Variants in CDC25B observed in about 807,000 individuals in gnomAD.
The protein encoded by CDC25B is cell division cycle 25B.
Under a neutral mutation model 69.8 loss-of-function variants are expected in CDC25B, and 33 were observed. The observed-to-expected ratio is 0.47, with a 90% CI of 0.36 to 0.63. The LOEUF (loss-of-function observed/expected upper bound fraction) is 0.63. CDC25B is among the 30% of genes least tolerant of loss of function. The pLI, the probability that CDC25B is intolerant of heterozygous loss-of-function variation, is 0.00. For missense variants in CDC25B, 727 were observed against 809.1 expected, an observed-to-expected ratio of 0.90 and a Z score of 1.23; for synonymous variants, 341 against 314.6, an observed-to-expected ratio of 1.08 and a Z score of -0.89.
upstream of CDC25B, chr20:3,795,976 G>A: frequency 1.0e-6 from 1 of 989,398 alleles, no homozygotes. Flanking sequence ...CCCTAGCGGT[G>A]ATCCCAGGTG....
chr20:3,802,277 C>T lies in CDC25B; in HGVS notation c.1099-4C>T. On this transcript the variant is annotated splice_polypyrimidine_tract_variant and splice_region_variant and intron_variant, in intron 10 of 15. Transcript: ENST00000245960. ...CCCTGGCCTCCATCTGACTCACTTT[C>T]CAGAAAGCCCGCGTCCTCCGCTCAA... The T allele has an allele frequency of 6.2e-7, 1 of 1,610,620 alleles. No homozygotes were observed. Among genetic ancestry groups the T allele is most frequent in the Non-Finnish European group, 8.5e-7 (1 of 1,179,492 alleles).
chr20:3,804,504 A>G (rs2089403900), intron 14 of CDC25B, 65 bp from the exon 15 acceptor site: 2 of 988,486 alleles, frequency 2.0e-6, no homozygotes, highest in Admixed American at 1.8e-5. Flanking sequence ...CGTGGGGGAT[A>G]GGTCCCATGA....
At chr20:3,799,525 T>TGCGCGTGTGTGTGTGTGCGC (rs2089195618) in intron 3 of CDC25B, among the ~76,000 whole-genome samples, 2 of 68,688 alleles carry the variant, frequency 2.9e-5, no homozygotes, top group African/African-American at 9.6e-5. Flanking sequence ...TGTGTGTGTG[T>TGCGCGTGTGTGTGTGTGCGC]GCGCGCGCGC....
chr20:3,799,554 T>C (rs1205996207), intron 3 of CDC25B, among the ~76,000 whole-genome samples: 2 of 150,384 alleles, frequency 1.3e-5, no homozygotes, highest in Non-Finnish European at 3.0e-5. Context: ...GCACAAAAGC[T>C]CCGCGTGGCA....
At chr20:3,800,613 G>C in intron 5 of CDC25B, 115 bp downstream of exon 5, 1 of 1,583,548 alleles carries the variant, frequency 6.3e-7, no homozygotes, top group Non-Finnish European at 8.7e-7. Flanking sequence ...CAGGCTGTAG[G>C]AGATGGGGTT....
upstream of CDC25B, chr20:3,795,728 C>T (rs576500910): frequency 2.0e-6 from 2 of 985,550 alleles, no homozygotes; most frequent in East Asian, 1.1e-4. Flanking sequence ...GCTTCTCCTG[C>T]GAATGACGTT....
At chr20:3,787,358 A>G (rs1041238207) in intron 1 of CDC25B, among the ~76,000 whole-genome samples, 4 of 152,238 alleles carry the variant, frequency 2.6e-5, no homozygotes, top group Non-Finnish European at 4.4e-5. Context: ...GCTATGAATG[A>G]ACACTAGCGT....
Position 3,803,258 on chromosome 20 carries a change from C to A in CDC25B, c.1356+52C>A. 10 of 1,575,352 alleles carry A rather than the reference C, an allele frequency of 6.3e-6. No homozygotes were observed. The highest frequency in any genetic ancestry group is 8.7e-6 in the Non-Finnish European group (10 of 1,148,934). On this transcript the variant is annotated intron_variant, in intron 13 of 15. Coordinates refer to ENST00000245960, the MANE Select transcript of CDC25B (RefSeq NM_021873.4). The surrounding 1 kb of genome is among the most constrained non-coding windows in gnomAD (Gnocchi z 4.9). ...CTGAAGATCCCACCTGGTTTAGGTC[C>A]TTGCTTTGCCAAGAGGGTGAATGGG...
At position 3,804,912 on chromosome 20, in the gene CDC25B, C is replaced by T; in HGVS notation, c.1694C>T (p.Ala565Val). 2 of 1,613,978 alleles carry T rather than the reference C, an allele frequency of 1.2e-6. No individual in the cohort carries two copies. Among genetic ancestry groups the T allele is most frequent in the Non-Finnish European group, 1.7e-6 (2 of 1,180,012 alleles). ...KTFRLKTRSW[A>V]GERSRRELCS... ...TTCCGCCTCAAGACTCGCAGCTGGGCTGGGGAGCGGAGCCGGCGGGAGCTC... is the reference window on the plus strand; with the variant it reads ...TTCCGCCTCAAGACTCGCAGCTGGGTTGGGGAGCGGAGCCGGCGGGAGCTC... The change falls in exon 16 of 16, where the codon GCT (alanine) becomes GTT (valine). Residue 565 changes from alanine (A) to valine (V), a missense_variant. Ala to Val is a moderately conservative substitution (Grantham distance 64). Transcript: ENST00000245960.
chr20:3,801,495 A>G, intron 8 of CDC25B, 107 bp downstream of exon 8: 1 of 1,370,184 alleles, frequency 7.3e-7, no homozygotes, highest in Non-Finnish European at 1.0e-6. Flanking sequence ...TTCCAGTGTC[A>G]GAAGAAGAAT....
At position 3,803,080 on chromosome 20, in the gene CDC25B, C is replaced by G; in HGVS notation, c.1258-28C>G. The G allele has an allele frequency of 6.2e-7, 1 of 1,605,356 alleles. No individual in the cohort carries two copies. Among genetic ancestry groups the G allele is most frequent in the Non-Finnish European group, 8.5e-7 (1 of 1,172,216 alleles). On this transcript the variant is annotated intron_variant, in intron 12 of 15. Transcript: ENST00000245960. This position sits in a 1 kb window ranked among gnomAD's most constrained non-coding sequence, Gnocchi z 4.9. ...CCTGCCAGCTGCCAGCCTGACCTGC[C>G]GGAACCAACCCCCATGACCTCCTAC... is the stretch of plus-strand genomic sequence containing the variant.
chr20:3,797,222 T>A (rs6116044), intron 1 of CDC25B, among the ~76,000 whole-genome samples: 2,893 of 152,258 alleles, frequency 0.019, 98 homozygotes, highest in African/African-American at 0.066. Context: ...GAGAGCTGGG[T>A]TGTTCCAGTA....
exon 1 of CDC25B, chr20:3,787,036 T>G (rs1238263365): frequency 4.1e-5 from 25 of 616,362 alleles, no homozygotes; most frequent in Middle Eastern, 3.0e-4. Flanking sequence ...GTTTGTTTTT[T>G]TTTTTTTTAA....
chr20:3,805,158 A>C lies in CDC25B; in HGVS notation c.*197A>C, dbSNP rs2089435865. ...CATTTTCCATATCCTGGTGCCCCCC[A>C]CCCCTGGAAGAGCCCAGTCTGTTGA... On this transcript the variant is annotated 3_prime_UTR_variant, in exon 16 of 16. Transcript: ENST00000245960. The C allele has an allele frequency of 1.6e-6, 1 of 608,482 alleles. No homozygotes were observed. The highest frequency in any genetic ancestry group is 2.9e-6 in the Non-Finnish European group (1 of 349,510). 37.7% of individuals were successfully genotyped at this position (608,482 alleles called of 1,614,324 possible).
chr20:3,791,129 T>C (rs1025025784), intron 1 of CDC25B, among the ~76,000 whole-genome samples: 3 of 152,228 alleles, frequency 2.0e-5, no homozygotes, highest in Non-Finnish European at 4.4e-5. Context: ...AAAGGTTGCA[T>C]GTATTGCACA....
chr20:3,796,644 G>A lies in CDC25B; in HGVS notation c.113G>A (p.Gly38Asp). The A allele has an allele frequency of 6.8e-7, 1 of 1,472,530 alleles. No homozygotes were observed. The highest frequency in any genetic ancestry group is 1.4e-5 in the South Asian group (1 of 73,182). 91.2% of individuals were successfully genotyped at this position (1,472,530 alleles called of 1,614,324 possible). A position where few individuals can be genotyped will look rare whatever the true frequency, so the allele number is the denominator to read the frequency against. Residue 38 changes from glycine (G) to aspartate (D), a missense_variant, in exon 1 of 16, where the codon GGC becomes GAC. Around this residue, in one of 2 missense-constraint regions of CDC25B, gnomAD observed 368 missense variants for 345.6 expected, o/e 1.06. Transcript: ENST00000245960. ...HLPGLLLGSHGLLGSPVRAAA... is the reference protein window; with the variant it reads ...HLPGLLLGSHDLLGSPVRAAA... ...CCGGGCCTCCTGCTGGGATCTCATG[G>A]CCTCCTGGGGTCCCCGGTGCGGGCG... is the stretch of plus-strand genomic sequence containing the variant.
At chr20:3,787,217 ACTGGCATCAGACTGTATAGACTGTATAT>A in intron 1 of CDC25B, 1 of 634,914 alleles carries the variant, frequency 1.6e-6, no homozygotes. Context: ...ATTATATAAA[ACTGGCATCAGACTGTATAGACTGTATAT>A]CTGGCATCTC....
chr20:3,796,829 T>A, intron 1 of CDC25B, 98 bp downstream of exon 1: 1 of 1,441,312 alleles, frequency 6.9e-7, no homozygotes, highest in Non-Finnish European at 9.2e-7. Context: ...ATCCAGGAGG[T>A]GGAGTCCGGG....
chr20:3,790,376 A>ATTT (rs1172663396), intron 1 of CDC25B, among the ~76,000 whole-genome samples: 13 of 125,728 alleles, frequency 1.0e-4, no homozygotes, highest in South Asian at 2.8e-4. Flanking sequence ...CCATTTTGGA[A>ATTT]TTTTTTTTTT....
Sources: allele counts gnomAD v4.1 joint callset (sites outside exome capture counted in the v4.1 genomes callset), GRCh38; gene constraint gnomAD v4.1.1; regional missense constraint gnomAD v4.1.1; non-coding constraint Gnocchi (gnomAD v3.1); transcripts MANE v1.5; gene names NCBI Gene and HGNC (gene_info 2026-07-23, HGNC 2026-07-21).